The following MRM3 variants were observed in gnomAD, a reference collection of about 807,000 sequenced individuals.
MRM3 encodes mitochondrial rRNA methyltransferase 3.
A neutral mutation model predicts 29.4 loss-of-function variants in MRM3; 26 were observed. The observed-to-expected ratio is 0.89, with a 90% CI of 0.65 to 1.23. The LOEUF (loss-of-function observed/expected upper bound fraction) is 1.23, where lower values mean the gene tolerates loss of function less well. Ranked by LOEUF, MRM3 falls within the 50% of genes most tolerant of loss-of-function variation. MRM3 has a pLI of 0.00. For synonymous variants in MRM3, 225 were observed against 219.0 expected, an observed-to-expected ratio of 1.03 and a Z score of -0.24; for missense variants, 578 against 540.2, an observed-to-expected ratio of 1.07 and a Z score of -0.69.
chr17:788,518 G>C (rs1419524631), intron 3 of MRM3, among the ~76,000 whole-genome samples: 2 of 129,548 alleles, frequency 1.5e-5, no homozygotes, highest in Non-Finnish European at 3.2e-5. Context: ...GTCTCACTAT[G>C]TTGCCCAGGC....
Position 791,567 on chromosome 17 carries a change from G to C in MRM3, c.761G>C (p.Arg254Pro). The C allele has an allele frequency of 6.2e-7, 1 of 1,614,044 alleles. No homozygotes were observed. The highest frequency in any genetic ancestry group is 8.5e-7 in the Non-Finnish European group (1 of 1,179,986). Reference sequence around the variant, plus strand: ...GATGCCTGGGAGCCCAAAGTGCTCCGGGCGGGTATGGGCGCACATTTCCGG... The same window carrying C: ...GATGCCTGGGAGCCCAAAGTGCTCCCGGCGGGTATGGGCGCACATTTCCGG... ...CVDAWEPKVL[R>P]AGMGAHFRMP... Residue 254 changes from arginine to proline, a missense_variant, in exon 4 of 4, where the codon CGG (arginine) becomes CCG (proline). Physicochemically the swap from Arg to Pro is moderately radical, Grantham distance 103. Transcript: ENST00000304478.
chr17:782,740 C>A (rs1443138206), intron 1 of MRM3, 48 bp downstream of exon 1: 6 of 1,543,014 alleles, frequency 3.9e-6, no homozygotes, highest in African/African-American at 1.4e-5. Context: ...CCCTTCCCGT[C>A]GCACAGCGGA....
rs1186527899 is a variant in MRM3 at position 787,552 on chromosome 17, C to G, written c.560-413C>G. On this transcript the variant is annotated intron_variant, in intron 2 of 3. Transcript: ENST00000304478. This position sits in a 1 kb window ranked among gnomAD's most constrained non-coding sequence, Gnocchi z 4.1. The stretch of plus-strand genomic sequence containing the variant: ...GAATGTATTCGTGGTTTTTTTTTTC[C>G]TTTTTTTTCTTTTTGAGAGGGAGTC... Among the ~76,000 whole-genome samples the G allele has an allele frequency of 6.6e-6, 1 of 150,534 alleles. No individual in the cohort carries two copies. The highest frequency in any genetic ancestry group is 1.9e-4 in the East Asian group (1 of 5,150).
chr17:787,492 G>A lies in MRM3; in HGVS notation c.560-473G>A, dbSNP rs1045725084. ...AGTTGAGGGGGAGGAGAGTGGTACT[G>A]GTAGAATTTTATGTTGTTTGAATTT... On this transcript the variant is annotated intron_variant, in intron 2 of 3. Transcript: ENST00000304478. The surrounding 1 kb of genome is among the most constrained non-coding windows in gnomAD (Gnocchi z 4.1). Among the ~76,000 whole-genome samples, 4 of 152,084 alleles carry A rather than the reference G, an allele frequency of 2.6e-5. No individual in the cohort carries two copies. The highest frequency in any genetic ancestry group is 5.9e-5 in the Non-Finnish European group (4 of 67,998).
At position 791,887 on chromosome 17, in the gene MRM3, G is replaced by A. The variant is rs941190903; in HGVS notation, c.1081G>A (p.Gly361Ser). The change falls in exon 4 of 4, where the codon GGC becomes AGC. Residue 361 changes from glycine (G) to serine (S), a missense_variant. Physicochemically the swap from Gly to Ser is moderately conservative, Grantham distance 56 (BLOSUM62 0). Transcript: ENST00000304478. ...TGTGGTGATTGGCGGGGAGACCTAC[G>A]GCGTGAGCCTGGAGTCCCTGCAGCT... ...AAVVIGGETY[G>S]VSLESLQLAE... The A allele has an allele frequency of 6.2e-7, 1 of 1,613,784 alleles. No homozygotes were observed. Among genetic ancestry groups the A allele is most frequent in the South Asian group, 1.1e-5 (1 of 91,084 alleles).
chr17:783,233 G>T lies in MRM3; in HGVS notation c.465G>T (p.Leu155Phe), dbSNP rs536970721. ...FFSRLEYLKE[L>F]PVDKLKGVSL... is the part of the protein sequence containing the mutation. ...GCCGTCTAGAATACCTAAAGGAGTT[G>T]CCAGTCGATAAGCTGAAAGGTGTCA... The change falls in exon 2 of 4, where the codon TTG (leucine) becomes TTT (phenylalanine). Residue 155 changes from leucine (L) to phenylalanine (F), a missense_variant. Leu to Phe is a conservative substitution (Grantham distance 22, BLOSUM62 0). Coordinates refer to ENST00000304478, the MANE Select transcript of MRM3 (RefSeq NM_018146.4). The T allele has an allele frequency of 8.1e-6, 13 of 1,614,102 alleles. No individual in the cohort carries two copies. The highest frequency in any genetic ancestry group is 1.3e-5 in the African/African-American group (1 of 75,012).
At position 792,312 on chromosome 17, in the gene MRM3, G is replaced by A; in HGVS notation, c.*243G>A. 2.3e-6 allele frequency: 1 copy of A among 435,196 alleles called. No homozygotes were observed. Among genetic ancestry groups the A allele is most frequent in the Non-Finnish European group, 4.0e-6 (1 of 246,978 alleles). 27.0% of individuals were successfully genotyped at this position (435,196 alleles called of 1,614,324 possible). A position where few individuals can be genotyped will look rare whatever the true frequency, so the allele number is the denominator to read the frequency against. On this transcript the variant is annotated 3_prime_UTR_variant, in exon 4 of 4. Coordinates refer to ENST00000304478, the MANE Select transcript of MRM3 (RefSeq NM_018146.4). ...GACAATAGGTGACCCACGTGGCTCTGTGTGTTTTTAAAAATTGTCCACCAA... is the reference window on the plus strand; with the variant it reads ...GACAATAGGTGACCCACGTGGCTCTATGTGTTTTTAAAAATTGTCCACCAA...
At position 783,317 on chromosome 17, in the gene MRM3, A is replaced by G. The variant is rs139016564; in HGVS notation, c.549A>G (p.Gln183=). ...IKDWSDLVTP[Q]GIMGIFAKPD... Reference sequence around the variant, plus strand: ...ATTGGTCCGACCTCGTAACGCCACAAGGAATAATGGGTTAGTGATTACCCA... The same window carrying G: ...ATTGGTCCGACCTCGTAACGCCACAGGGAATAATGGGTTAGTGATTACCCA... The change falls in exon 2 of 4, where the codon CAA becomes CAG. Residue 183 remains glutamine, a synonymous_variant. Coordinates refer to ENST00000304478, the MANE Select transcript of MRM3 (RefSeq NM_018146.4). 2,202 of 1,611,888 alleles carry G rather than the reference A, an allele frequency of 1.4e-3. 31 individuals are homozygous for G. In the Admixed American group the frequency reaches 0.035, roughly 26 times the overall value.
chr17:791,050 C>T (rs909264374), intron 3 of MRM3, among the ~76,000 whole-genome samples: 18 of 152,238 alleles, frequency 1.2e-4, no homozygotes, highest in Admixed American at 2.0e-4. Flanking sequence ...AGTCCTTAGG[C>T]TGCGCCACTC....
chr17:785,867 A>T (rs550420987), intron 2 of MRM3, among the ~76,000 whole-genome samples: 1 of 152,346 alleles, frequency 6.6e-6, no homozygotes, highest in East Asian at 1.9e-4. Flanking sequence ...ACTATTTTTT[A>T]AAAGCCTACC....
Position 788,049 on chromosome 17 carries a change from A to G in MRM3, c.644A>G (p.Asp215Gly). ...QHSLPLLLICDNLRDPGNLGT... is the reference protein window; with the variant it reads ...QHSLPLLLICGNLRDPGNLGT... ...TCACTGCCTTTATTATTGATTTGTGACAATCTCCGTGACCCTGGGAACCTG... is the reference window on the plus strand; with the variant it reads ...TCACTGCCTTTATTATTGATTTGTGGCAATCTCCGTGACCCTGGGAACCTG... Residue 215 changes from aspartate to glycine, a missense_variant, in exon 3 of 4, where the codon GAC becomes GGC. By Grantham distance (94) the Asp-to-Gly change is moderately conservative. Transcript: ENST00000304478. 1.2e-6 allele frequency: 2 copies of G among 1,614,170 alleles called. No homozygotes were observed. Among genetic ancestry groups the G allele is most frequent in the Non-Finnish European group, 1.7e-6 (2 of 1,179,998 alleles).
In MRM3 at chr17:792,179, G is replaced by A. The variant is rs534580978; in HGVS notation, c.*110G>A. On this transcript the variant is annotated 3_prime_UTR_variant, in exon 4 of 4. Transcript: ENST00000304478. The stretch of plus-strand genomic sequence containing the variant: ...TATGGCCCCCACGTTCAGGAGGAAG[G>A]TGTGATGCCGTCATACAGTTACAGG... 25 of 1,057,362 alleles carry A rather than the reference G, an allele frequency of 2.4e-5. 1 individual carries two copies. In the South Asian group the frequency reaches 3.9e-4, roughly 16 times the overall value. 65.5% of individuals were successfully genotyped at this position (1,057,362 alleles called of 1,614,324 possible). A position where few individuals can be genotyped will look rare whatever the true frequency, so the allele number is the denominator to read the frequency against.
rs751855157 is a variant in MRM3, at chr17:791,571, G to A, written c.765G>A (p.Ala255=). The change falls in exon 4 of 4, where the codon GCG becomes GCA. Residue 255 remains alanine, a synonymous_variant. Coordinates refer to ENST00000304478, the MANE Select transcript of MRM3 (RefSeq NM_018146.4). The stretch of plus-strand genomic sequence containing the variant: ...CCTGGGAGCCCAAAGTGCTCCGGGC[G>A]GGTATGGGCGCACATTTCCGGATGC... The part of the protein sequence containing the change: ...VDAWEPKVLR[A]GMGAHFRMPI... 8.1e-6 allele frequency: 13 copies of A among 1,614,006 alleles called. No homozygotes were observed. The highest frequency in any genetic ancestry group is 1.3e-5 in the African/African-American group (1 of 74,900).
At chr17:785,836 T>C (rs1480738980) in intron 2 of MRM3, among the ~76,000 whole-genome samples, 2 of 152,252 alleles carry the variant, frequency 1.3e-5, no homozygotes, top group Non-Finnish European at 2.9e-5. Context: ...ATAATTGTTT[T>C]TTAAATATTT....
intron 2 of MRM3, among the ~76,000 whole-genome samples, chr17:784,303 A>G (rs1414739593): frequency 6.6e-6 from 1 of 152,204 alleles, no homozygotes; most frequent in Non-Finnish European, 1.5e-5. Flanking sequence ...GTGCCTCTGC[A>G]CTCAGAGCTC....
In MRM3 at chr17:782,977, C is replaced by G; in HGVS notation, c.315-106C>G. On this transcript the variant is annotated intron_variant, in intron 1 of 3. Transcript: ENST00000304478. The stretch of plus-strand genomic sequence containing the variant: ...TGCTGGGATTACAGGCGTGAGCCAC[C>G]GCGCCCGGCCCTCTCCGTAGCTCTT... The G allele has an allele frequency of 1.7e-5, 25 of 1,472,124 alleles. 1 individual carries two copies. The South Asian group carries it at 3.3e-4, about 19-fold the overall frequency. 91.2% of individuals were successfully genotyped at this position (1,472,124 alleles called of 1,614,324 possible).
intron 3 of MRM3, chr17:789,850 T>A (rs186941014): frequency 2.0e-5 from 3 of 152,298 alleles, no homozygotes; most frequent in Admixed American, 2.0e-4. Context: ...AGGAAATACT[T>A]GGTGTGGTGC....
chr17:789,330 C>G (rs940487733), intron 3 of MRM3, among the ~76,000 whole-genome samples: 1 of 152,216 alleles, frequency 6.6e-6, no homozygotes, highest in African/African-American at 2.4e-5. Context: ...GTCAGCAGCT[C>G]TGAATCCTAA....
In MRM3 at chr17:791,985, G is replaced by T. The variant is rs1299223693; in HGVS notation, c.1179G>T (p.Met393Ile). ...GTGTGGACAGCCTCAACTCGGCCAT[G>T]GCGGCAAGCATCCTGCTTTTCGAAG... ...VPGVDSLNSA[M>I]AASILLFEGK... Residue 393 changes from methionine (M) to isoleucine (I), a missense_variant, in exon 4 of 4, where the codon ATG (methionine) becomes ATT (isoleucine). By Grantham distance (10) the Met-to-Ile change is conservative. Transcript: ENST00000304478. 31 of 1,613,868 alleles carry T rather than the reference G, an allele frequency of 1.9e-5. No individual in the cohort carries two copies. The highest frequency in any genetic ancestry group is 2.5e-5 in the Non-Finnish European group (29 of 1,180,048).
Sources: gnomAD v4.1 joint callset for allele counts (sites outside exome capture counted in the v4.1 genomes callset) on GRCh38, gnomAD v4.1.1 for gene constraint, Gnocchi (gnomAD v3.1) non-coding constraint, MANE v1.5 for transcripts, NCBI Gene and HGNC (gene_info 2026-07-23, HGNC 2026-07-21) for gene names.